Variants in GMCL1 observed in about 807,000 individuals in gnomAD.
GMCL1 encodes germ cell-less protein-like 1.
Under a neutral mutation model 75.5 loss-of-function variants are expected in GMCL1, and 54 were observed. That is an observed-to-expected ratio of 0.71 (90% confidence interval 0.57 to 0.90). The LOEUF (loss-of-function observed/expected upper bound fraction) is 0.90, where lower values mean the gene tolerates loss of function less well. Ranked by LOEUF, GMCL1 falls within the 40% of genes least tolerant of loss-of-function variation. The pLI, the probability that GMCL1 is intolerant of heterozygous loss-of-function variation, is 0.00. For synonymous variants in GMCL1, 210 were observed against 209.6 expected (o/e 1.00, Z -0.02); for missense variants, 537 against 622.7 (o/e 0.86, Z 1.47).
intron 1 of GMCL1, among the ~76,000 whole-genome samples, chr2:69,831,232 T>C (rs1252711987): frequency 3.3e-5 from 5 of 152,214 alleles, no homozygotes; most frequent in African/African-American, 4.8e-5. Flanking sequence ...AAAATTAAAC[T>C]TTAAAAGCAG....
intron 8 of GMCL1, among the ~76,000 whole-genome samples, chr2:69,850,010 C>T (rs757436604): frequency 5.3e-5 from 8 of 152,154 alleles, no homozygotes; most frequent in Admixed American, 1.3e-4. Flanking sequence ...TACTCTTGAT[C>T]GCCAAAAACT....
chr2:69,862,716 G>A (rs956337014), intron 10 of GMCL1, among the ~76,000 whole-genome samples: 17 of 151,374 alleles, frequency 1.1e-4, no homozygotes, highest in African/African-American at 3.9e-4. Flanking sequence ...CCAAGATTGC[G>A]CCATTGCACT....
intron 9 of GMCL1, among the ~76,000 whole-genome samples, chr2:69,856,640 CTTTTTT>C (rs34707640): frequency 9.7e-4 from 87 of 89,786 alleles, no homozygotes; most frequent in Non-Finnish European, 1.7e-3. Context: ...CTCTTCCCTC[CTTTTTT>C]TTTTTTTTTT....
intron 9 of GMCL1, among the ~76,000 whole-genome samples, chr2:69,858,687 C>T (rs1000032898): frequency 6.6e-6 from 1 of 152,002 alleles, no homozygotes; most frequent in African/African-American, 2.4e-5. Flanking sequence ...GACATGGGAC[C>T]TAGAATCCTT....
rs564853587 is a variant in GMCL1, at chr2:69,832,550, CTG to C, written c.260+2399_260+2400del. Among the ~76,000 whole-genome samples, 28 of 152,302 alleles carry C rather than the reference CTG, an allele frequency of 1.8e-4. No homozygotes were observed. In the East Asian group the frequency reaches 5.2e-3, roughly 28 times the overall value. ...TGTATATAACAAGTAGTGGTGAAGT[CTG>C]GGATTGTAGTGTATCCATCAGCCAC... On this transcript the variant is annotated intron_variant, in intron 1 of 13. Transcript: ENST00000282570.
chr2:69,858,311 A>C (rs1675539100), intron 9 of GMCL1, among the ~76,000 whole-genome samples: 1 of 152,220 alleles, frequency 6.6e-6, no homozygotes, highest in Non-Finnish European at 1.5e-5. Context: ...CACTGTACCC[A>C]GCCCCTATTT....
intron 13 of GMCL1, among the ~76,000 whole-genome samples, chr2:69,875,482 A>T (rs967697856): frequency 6.6e-6 from 1 of 152,154 alleles, no homozygotes; most frequent in Non-Finnish European, 1.5e-5. Context: ...ATGTAGGATC[A>T]TTTTATCAAG....
In GMCL1 at chr2:69,871,739, T is replaced by A. The variant is rs766746855; in HGVS notation, c.1365-6T>A. ...TGTTTATTTTTTATTTTTTTTTTAA[T>A]CCTAGATTACGTTTGGCTTCTTTTG... is the stretch of plus-strand genomic sequence containing the variant. On this transcript the variant is annotated splice_region_variant and splice_polypyrimidine_tract_variant and intron_variant, in intron 12 of 13. Coordinates refer to ENST00000282570, the MANE Select transcript of GMCL1 (RefSeq NM_178439.5). 2.8e-6 allele frequency: 4 copies of A among 1,448,866 alleles called. No individual in the cohort carries two copies. The highest frequency in any genetic ancestry group is 3.8e-6 in the Non-Finnish European group (4 of 1,051,750). 89.8% of individuals were successfully genotyped at this position (1,448,866 alleles called of 1,614,324 possible).
intron 1 of GMCL1, among the ~76,000 whole-genome samples, chr2:69,835,613 G>A (rs1674798739): frequency 6.6e-6 from 1 of 152,126 alleles, no homozygotes; most frequent in African/African-American, 2.4e-5. Flanking sequence ...GGCATGCTTT[G>A]TAGAGCAGAG....
rs187079021 is a variant in GMCL1, at chr2:69,851,166, G to A, written c.934+1424G>A. 7.9e-5 allele frequency among the ~76,000 whole-genome samples: 12 copies of A among 152,276 alleles called. No homozygotes were observed. In the East Asian group the frequency reaches 1.5e-3, roughly 20 times the overall value. On this transcript the variant is annotated intron_variant, in intron 8 of 13. Transcript: ENST00000282570. Reference sequence around the variant, plus strand: ...AAAGATGTCTTTTTGGTTGGGTGCCGTGGCTCATGCCTGTAATCCCAGCAC... The same window carrying A: ...AAAGATGTCTTTTTGGTTGGGTGCCATGGCTCATGCCTGTAATCCCAGCAC...
intron 6 of GMCL1, among the ~76,000 whole-genome samples, chr2:69,847,138 T>C (rs1473674474): frequency 1.3e-5 from 2 of 151,982 alleles, no homozygotes; most frequent in East Asian, 3.8e-4. Flanking sequence ...GGCCTTTTTT[T>C]AAAGAACAAA....
intron 11 of GMCL1, among the ~76,000 whole-genome samples, chr2:69,868,892 G>A (rs910499833): frequency 2.0e-5 from 3 of 150,404 alleles, no homozygotes; most frequent in Admixed American, 6.6e-5. Flanking sequence ...GAGGCGTGTG[G>A]ATCACAAGGT....
intron 9 of GMCL1, among the ~76,000 whole-genome samples, chr2:69,855,355 AAACTTC>A (rs1376651211): frequency 6.6e-6 from 1 of 151,920 alleles, no homozygotes; most frequent in Non-Finnish European, 1.5e-5. Flanking sequence ...CTAAAGTCTT[AAACTTC>A]ATGTTGAAGC....
intron 1 of GMCL1, among the ~76,000 whole-genome samples, chr2:69,836,340 T>C (rs2103947431): frequency 6.6e-6 from 1 of 152,330 alleles, no homozygotes; most frequent in East Asian, 1.9e-4. Flanking sequence ...TTTTGTACTC[T>C]TAATCTTTAA....
intron 4 of GMCL1, 156 bp from the exon 5 acceptor site, chr2:69,842,990 TAAA>T (rs75708775): frequency 1.9e-4 from 40 of 213,836 alleles, no homozygotes; most frequent in Admixed American, 9.4e-4. Context: ...TTGGACTTGT[TAAA>T]AAAAAAAAAA....
intron 11 of GMCL1, among the ~76,000 whole-genome samples, chr2:69,866,067 GGT>G (rs1430384767): frequency 6.6e-6 from 1 of 152,114 alleles, no homozygotes; most frequent in East Asian, 1.9e-4. Context: ...TGGCTAACAT[GGT>G]GAAACCCTGT....
chr2:69,850,947 A>G (rs1189711766), intron 8 of GMCL1, among the ~76,000 whole-genome samples: 1 of 152,198 alleles, frequency 6.6e-6, no homozygotes, highest in Non-Finnish European at 1.5e-5. Flanking sequence ...AAGAGATTGA[A>G]TGACTCTTAA....
intron 11 of GMCL1, among the ~76,000 whole-genome samples, chr2:69,865,570 C>T (rs1675788483): frequency 6.6e-6 from 1 of 151,948 alleles, no homozygotes. Flanking sequence ...ATCACCTGAA[C>T]TCGGGAGGCA....
intron 4 of GMCL1, among the ~76,000 whole-genome samples, chr2:69,842,068 A>G (rs934303364): frequency 1.3e-5 from 2 of 152,240 alleles, no homozygotes; most frequent in African/African-American, 2.4e-5. Flanking sequence ...TTCAGTAACA[A>G]TGTGACAGAT....
Sources: gnomAD v4.1 joint callset for allele counts (sites outside exome capture counted in the v4.1 genomes callset) on GRCh38, gnomAD v4.1.1 for gene constraint, MANE v1.5 for transcripts, NCBI Gene and HGNC (gene_info 2026-07-23, HGNC 2026-07-21) for gene names.